HIP1: variants seen among roughly 807,000 people sequenced by gnomAD.
HIP1 encodes huntingtin-interacting protein 1.
A neutral mutation model predicts 147.6 loss-of-function variants in HIP1; 65 were observed. The ratio of observed to expected loss-of-function variants is 0.44; its 90% CI spans 0.36 to 0.54. HIP1 has a LOEUF of 0.54. Ranked by LOEUF, HIP1 falls within the 20% of genes least tolerant of loss-of-function variation. HIP1 has a pLI of 0.00. For synonymous variants in HIP1, 479 were observed against 504.0 expected, an observed-to-expected ratio of 0.95 and a Z score of 0.67; for missense variants, 1,061 against 1,299.6, an observed-to-expected ratio of 0.82 and a Z score of 2.82.
intron 9 of HIP1, among the ~76,000 whole-genome samples, chr7:75,563,832 T>C (rs1396285524): frequency 1.3e-5 from 2 of 152,236 alleles, no homozygotes; most frequent in Non-Finnish European, 2.9e-5. Context: ...TTACAATCGT[T>C]TGGTACTATG....
chr7:75,618,978 C>A (rs1797755316), intron 1 of HIP1, among the ~76,000 whole-genome samples: 1 of 152,126 alleles, frequency 6.6e-6, no homozygotes, highest in Non-Finnish European at 1.5e-5. Flanking sequence ...TGACATCCCA[C>A]CTTTTGTTCT....
chr7:75,698,475 G>T (rs1481884563), intron 1 of HIP1, among the ~76,000 whole-genome samples: 3 of 152,076 alleles, frequency 2.0e-5, no homozygotes, highest in African/African-American at 7.2e-5. Flanking sequence ...TTACTATTCA[G>T]CTGTAAAAAG....
At chr7:75,653,283 C>T (rs550628340) in intron 1 of HIP1, among the ~76,000 whole-genome samples, 24 of 152,242 alleles carry the variant, frequency 1.6e-4, no homozygotes, top group South Asian at 6.2e-4. Flanking sequence ...ATATCACACA[C>T]GTCAAGCCTT....
intron 8 of HIP1, among the ~76,000 whole-genome samples, chr7:75,570,432 C>T (rs587721051): frequency 1.3e-4 from 19 of 151,564 alleles, no homozygotes; most frequent in African/African-American, 4.1e-4. Context: ...GCTGGGACTA[C>T]AGGCGCCCGC....
chr7:75,609,769 G>A (rs782266767), intron 1 of HIP1, among the ~76,000 whole-genome samples: 5 of 151,848 alleles, frequency 3.3e-5, no homozygotes, highest in Admixed American at 3.3e-4. Context: ...TATTGGCCAG[G>A]ATGGTCTCGA....
At chr7:75,566,863 G>C (rs794357) in intron 9 of HIP1, among the ~76,000 whole-genome samples, 1 of 150,840 alleles carries the variant, frequency 6.6e-6, no homozygotes, top group Non-Finnish European at 1.5e-5. Flanking sequence ...GACTCGCGCC[G>C]GTAATCCCAT....
chr7:75,706,600 T>C (rs952130928), intron 1 of HIP1, among the ~76,000 whole-genome samples: 7 of 148,608 alleles, frequency 4.7e-5, no homozygotes, highest in Non-Finnish European at 1.0e-4. Context: ...GCCATGTTGG[T>C]TTCCTACACC....
chr7:75,730,244 G>T (rs1179808103), intron 1 of HIP1, among the ~76,000 whole-genome samples: 1 of 152,038 alleles, frequency 6.6e-6, no homozygotes, highest in East Asian at 1.9e-4. Context: ...AGCATAAGGA[G>T]GAAGAGAGCA....
chr7:75,670,786 C>CTTTTTTTTTTT (rs782710876), intron 1 of HIP1, among the ~76,000 whole-genome samples: 2,009 of 122,560 alleles, frequency 0.016, 7 homozygotes, highest in African/African-American at 0.022. Context: ...CTAATTAAAA[C>CTTTTTTTTTTT]TTTTTTTTTT....
In HIP1 at chr7:75,660,145, CA is replaced by C. The variant is rs367577486; in HGVS notation, c.121-60899del. Reference sequence around the variant, plus strand: ...GTCTCAAAAAACAAAACAAAACACACAAAAAAACTCAGGTTCTGGTGTCAAG... The same window carrying C: ...GTCTCAAAAAACAAAACAAAACACACAAAAAACTCAGGTTCTGGTGTCAAG... On this transcript the variant is annotated intron_variant, in intron 1 of 30. Transcript: ENST00000336926. Among the ~76,000 whole-genome samples, 857 of 148,256 alleles carry C rather than the reference CA, an allele frequency of 5.8e-3. 13 individuals are homozygous for C. Among genetic ancestry groups the C allele is most frequent in the African/African-American group, 0.02 (797 of 40,258 alleles).
chr7:75,602,329 T>C (rs1419247619), intron 1 of HIP1, among the ~76,000 whole-genome samples: 2 of 123,656 alleles, frequency 1.6e-5, no homozygotes, highest in African/African-American at 6.0e-5. Flanking sequence ...TTTTTTTTTT[T>C]TTTCAAAAGA....
chr7:75,678,588 C>G (rs1799970134), intron 1 of HIP1, among the ~76,000 whole-genome samples: 1 of 152,158 alleles, frequency 6.6e-6, no homozygotes, highest in African/African-American at 2.4e-5. Flanking sequence ...AAGTGATCCA[C>G]CTGCCTCGGC....
intron 1 of HIP1, among the ~76,000 whole-genome samples, chr7:75,651,589 G>A (rs1798990049): frequency 6.7e-6 from 1 of 150,322 alleles, no homozygotes; most frequent in Non-Finnish European, 1.5e-5. Context: ...CCAAGTTCAA[G>A]TCCTGCCTTC....
intron 1 of HIP1, among the ~76,000 whole-genome samples, chr7:75,613,398 T>C (rs1464792520): frequency 6.6e-6 from 1 of 152,010 alleles, no homozygotes; most frequent in African/African-American, 2.4e-5. Flanking sequence ...AACATCAGGG[T>C]CTTTTTAATT....
Position 75,536,437 on chromosome 7 carries a change from GT to G in HIP1, c.*1734del. 4.4e-6 allele frequency: 1 copy of G among 229,678 alleles called. No homozygotes were observed. 14.2% of individuals were successfully genotyped at this position (229,678 alleles called of 1,614,324 possible). On this transcript the variant is annotated 3_prime_UTR_variant, in exon 31 of 31. Transcript: ENST00000336926. ...ATGTAGCAAAACCTAGCAATATTCTGTTGGAGCAGATCCTGGGAAGTGCTTG... is the reference window on the plus strand; with the variant it reads ...ATGTAGCAAAACCTAGCAATATTCTGTGGAGCAGATCCTGGGAAGTGCTTG...
intron 29 of HIP1, 115 bp downstream of exon 29, chr7:75,541,804 T>G: frequency 1.4e-6 from 1 of 726,204 alleles, no homozygotes; most frequent in Non-Finnish European, 2.5e-6. Context: ...CATTCAGTCT[T>G]GGGTTAGTAG....
At chr7:75,634,941 G>GAAAAAAAAAAAAAAAAAA (rs58461422) in intron 1 of HIP1, among the ~76,000 whole-genome samples, 1 of 62,582 alleles carries the variant, frequency 1.6e-5, no homozygotes, top group African/African-American at 5.9e-5. Flanking sequence ...CACTATCTCT[G>GAAAAAAAAAAAAAAAAAA]AAAAAAAAAA....
intron 1 of HIP1, among the ~76,000 whole-genome samples, chr7:75,607,188 G>C (rs1291898829): frequency 6.7e-6 from 1 of 148,956 alleles, no homozygotes; most frequent in Admixed American, 6.7e-5. Context: ...GAGCAACACA[G>C]TAAGGCACCA....
chr7:75,738,890 C>G lies in HIP1; in HGVS notation c.31G>C (p.Val11Leu). 6.4e-7 allele frequency: 1 copy of G among 1,565,134 alleles called. No individual in the cohort carries two copies. Residue 11 changes from valine to leucine, a missense_variant, in exon 1 of 31, where the codon GTG becomes CTG. Around this residue, in one of 3 missense-constraint regions of HIP1, gnomAD observed 225 missense variants for 292.9 expected, o/e 0.77. Coordinates refer to ENST00000336926, the MANE Select transcript of HIP1 (RefSeq NM_005338.7). ...AGCACCTTGGGCAGTGGGTTGGGCA[C>G]CTGCTTCATGGAGCTGGCCATCCGA... The part of the protein sequence containing the change: MDRMASSMKQ[V>L]PNPLPKVLSR...
Sources: allele counts gnomAD v4.1 joint callset (sites outside exome capture counted in the v4.1 genomes callset), GRCh38; gene constraint gnomAD v4.1.1; regional missense constraint gnomAD v4.1.1; transcripts MANE v1.5; gene names NCBI Gene and HGNC (gene_info 2026-07-23, HGNC 2026-07-21).